ARAP2: variants seen among roughly 807,000 people sequenced by gnomAD.
ARAP2 encodes arf-GAP with Rho-GAP domain, ANK repeat and PH domain-containing protein 2.
ARAP2 carries 148 observed loss-of-function variants against 194.5 expected under a neutral mutation model. That is an observed-to-expected ratio of 0.76 (90% CI 0.67 to 0.87). The LOEUF (loss-of-function observed/expected upper bound fraction) is 0.87. Ranked by LOEUF, ARAP2 falls within the 40% of genes least tolerant of loss-of-function variation. The pLI is 0.00. For missense variants in ARAP2, 2,128 were observed against 1,989.7 expected (o/e 1.07, Z -1.32); for synonymous variants, 695 against 683.5 (o/e 1.02, Z -0.26).
chr4:36,159,956 T>C (rs898107760), intron 13 of ARAP2, among the ~76,000 whole-genome samples: 1 of 152,212 alleles, frequency 6.6e-6, no homozygotes, highest in Non-Finnish European at 1.5e-5. Context: ...AATTGAAAGA[T>C]GAGTGCAAAG....
chr4:36,125,535 GGAA>G (rs1723679771), intron 21 of ARAP2, among the ~76,000 whole-genome samples: 1 of 151,950 alleles, frequency 6.6e-6, no homozygotes, highest in Non-Finnish European at 1.5e-5. Flanking sequence ...AGAGTGCAAT[GGAA>G]GAAGTCAAGC....
At chr4:36,057,692 A>AT (rs889398785) in intron 2 of ARAP2, among the ~76,000 whole-genome samples, 7 of 151,930 alleles carry the variant, frequency 4.6e-5, no homozygotes, top group African/African-American at 1.5e-4. Flanking sequence ...TTTTTATTTG[A>AT]TTTTTTAAAA....
intron 2 of ARAP2, among the ~76,000 whole-genome samples, chr4:36,225,696 G>A (rs1750148923): frequency 6.6e-6 from 1 of 152,090 alleles, no homozygotes; most frequent in Non-Finnish European, 1.5e-5. Flanking sequence ...AGGCAGGAGG[G>A]CACGTGTCCA....
chr4:36,085,946 T>C (rs1472486384), intron 28 of ARAP2, among the ~76,000 whole-genome samples: 1 of 152,050 alleles, frequency 6.6e-6, no homozygotes, highest in Non-Finnish European at 1.5e-5. Flanking sequence ...ATTTGCTGAA[T>C]TTTAAGGAAG....
intron 2 of ARAP2, among the ~76,000 whole-genome samples, chr4:36,218,342 A>G (rs1748433647): frequency 6.6e-6 from 1 of 152,170 alleles, no homozygotes; most frequent in Non-Finnish European, 1.5e-5. Flanking sequence ...GAGGAAAGAG[A>G]GGATCAGAAA....
At chr4:36,227,317 T>C (rs563030894) in intron 2 of ARAP2, among the ~76,000 whole-genome samples, 1 of 152,308 alleles carries the variant, frequency 6.6e-6, no homozygotes, top group South Asian at 2.1e-4. Context: ...TAGATGACAC[T>C]AGTTGTTTAA....
At chr4:36,214,694 T>A (rs1465607396) in intron 2 of ARAP2, among the ~76,000 whole-genome samples, 1 of 151,906 alleles carries the variant, frequency 6.6e-6, no homozygotes, top group East Asian at 1.9e-4. Context: ...ATTCCACAAA[T>A]GTATTTTTGT....
At chr4:36,083,333 GT>G in intron 29 of ARAP2, 34 bp downstream of exon 29, 1 of 1,455,638 alleles carries the variant, frequency 6.9e-7, no homozygotes, top group Non-Finnish European at 9.5e-7. Context: ...TTTCCCATAA[GT>G]TTTTCCTTTC....
intron 21 of ARAP2, among the ~76,000 whole-genome samples, chr4:36,125,485 G>A (rs1723665969): frequency 6.6e-6 from 1 of 151,896 alleles, no homozygotes; most frequent in African/African-American, 2.4e-5. Context: ...GTACCCCTTC[G>A]ATCCAGGTAA....
intron 6 of ARAP2, among the ~76,000 whole-genome samples, chr4:36,208,968 A>G (rs1746151589): frequency 6.6e-6 from 1 of 152,172 alleles, no homozygotes; most frequent in African/African-American, 2.4e-5. Context: ...GTTCTGAAAA[A>G]GAGAGACAGA....
At position 36,147,221 on chromosome 4, in the gene ARAP2, A is replaced by G; in HGVS notation, c.3263+75T>C. ...GTTTTAAAATATTGTTTTCTCCCTC[A>G]AGATAATAACAAAAAACAAAATCCC... On this transcript the variant is annotated intron_variant, in intron 19 of 32. Coordinates refer to ENST00000303965, the MANE Select transcript of ARAP2 (RefSeq NM_015230.4). 3.0e-6 allele frequency: 4 copies of G among 1,331,988 alleles called. No individual in the cohort carries two copies. The South Asian group carries it at 5.0e-5, about 17-fold the overall frequency. The allele number at this position is 1,331,988 out of a possible 1,614,324, so 82.5% of individuals were successfully genotyped here. A position where few individuals can be genotyped will look rare whatever the true frequency, so the allele number is the denominator to read the frequency against.
intron 1 of ARAP2, among the ~76,000 whole-genome samples, chr4:36,241,701 T>C (rs1753541252): frequency 6.6e-6 from 1 of 152,176 alleles, no homozygotes; most frequent in Non-Finnish European, 1.5e-5. Context: ...TGCAAAGAAT[T>C]TGATATATTC....
At chr4:36,035,308 G>A (rs1357961837) in intron 5 of ARAP2, among the ~76,000 whole-genome samples, 3 of 151,956 alleles carry the variant, frequency 2.0e-5, no homozygotes, top group Non-Finnish European at 4.4e-5. Flanking sequence ...TTCAGTCTTG[G>A]GAGGGTGTAT....
downstream of ARAP2, among the ~76,000 whole-genome samples, chr4:36,063,428 G>A (rs912601626): frequency 3.3e-5 from 5 of 150,476 alleles, no homozygotes; most frequent in African/African-American, 1.2e-4. Flanking sequence ...TGCACGTTGT[G>A]CACATGTACC....
At chr4:36,183,492 T>C (rs1408738952) in intron 8 of ARAP2, among the ~76,000 whole-genome samples, 1 of 152,076 alleles carries the variant, frequency 6.6e-6, no homozygotes, top group Non-Finnish European at 1.5e-5. Flanking sequence ...GAATGCCCAC[T>C]CAAAATTCTT....
chr4:36,016,750 G>A (rs1482693075), intron 6 of ARAP2, among the ~76,000 whole-genome samples: 13 of 151,978 alleles, frequency 8.6e-5, no homozygotes, highest in South Asian at 4.1e-4. Flanking sequence ...AACATGCCTC[G>A]CTTGAAAACG....
At chr4:36,138,827 A>C (rs1727487195) in intron 19 of ARAP2, among the ~76,000 whole-genome samples, 1 of 151,748 alleles carries the variant, frequency 6.6e-6, no homozygotes, top group Non-Finnish European at 1.5e-5. Flanking sequence ...GTACTATTTT[A>C]CAATCCCACC....
intron 27 of ARAP2, among the ~76,000 whole-genome samples, chr4:36,100,917 CTTTATGTTA>C: frequency 6.6e-6 from 1 of 152,028 alleles, no homozygotes; most frequent in Middle Eastern, 3.4e-3. Flanking sequence ...ATCTATTCTC[CTTTATGTTA>C]TTTATACGGT....
intron 20 of ARAP2, among the ~76,000 whole-genome samples, chr4:36,131,223 T>C (rs1296951299): frequency 1.3e-5 from 2 of 151,550 alleles, no homozygotes; most frequent in Admixed American, 6.6e-5. Context: ...GTTCTGAATA[T>C]AAATATATAT....
Sources: gnomAD v4.1 joint callset for allele counts (sites outside exome capture counted in the v4.1 genomes callset) on GRCh38, gnomAD v4.1.1 for gene constraint, MANE v1.5 for transcripts, NCBI Gene and HGNC (gene_info 2026-07-23, HGNC 2026-07-21) for gene names.